The following SNTG1 variants were observed in gnomAD, a reference collection of about 807,000 sequenced individuals.
The protein encoded by SNTG1 is gamma-1-syntrophin.
SNTG1 carries 39 observed loss-of-function variants against 74.7 expected under a neutral mutation model. The ratio of observed to expected loss-of-function variants is 0.52; its 90% CI spans 0.40 to 0.68. The LOEUF (loss-of-function observed/expected upper bound fraction) is 0.68. Ranked by LOEUF, SNTG1 falls within the 30% of genes least tolerant of loss-of-function variation. The pLI, the probability that SNTG1 is intolerant of heterozygous loss-of-function variation, is 0.00. For missense variants in SNTG1, 685 were observed against 609.5 expected (o/e 1.12, Z -1.30); for synonymous variants, 254 against 217.1 (o/e 1.17, Z -1.49).
chr8:50,004,731 C>A (rs1815053635), intron 1 of SNTG1, among the ~76,000 whole-genome samples: 1 of 152,196 alleles, frequency 6.6e-6, no homozygotes, highest in African/African-American at 2.4e-5. Flanking sequence ...AAGAAGTAAA[C>A]TTCCTTTGTC....
intron 13 of SNTG1, among the ~76,000 whole-genome samples, chr8:50,653,270 T>C (rs4873471): frequency 0.21 from 31,874 of 151,714 alleles, 3,704 homozygotes; most frequent in African/African-American, 0.3. Context: ...ATAGCAAAAC[T>C]CCGTCTCTAC....
intron 12 of SNTG1, chr8:50,569,138 TC>T (rs1341763051): frequency 6.6e-6 from 1 of 152,208 alleles, no homozygotes; most frequent in Non-Finnish European, 1.5e-5. Context: ...AACTTTCCTA[TC>T]CTCTGTAGTG....
chr8:50,741,517 A>T (rs1205138563), intron 17 of SNTG1, among the ~76,000 whole-genome samples: 1 of 152,086 alleles, frequency 6.6e-6, no homozygotes, highest in Non-Finnish European at 1.5e-5. Context: ...TCCAAATCTT[A>T]TTCCATGGTA....
At chr8:50,784,141 G>A (rs536683480) in intron 18 of SNTG1, among the ~76,000 whole-genome samples, 154 of 152,230 alleles carry the variant, frequency 1.0e-3, no homozygotes, top group African/African-American at 2.6e-3. Context: ...CACTGATCCC[G>A]CCCTGAGTAG....
chr8:50,394,314 C>A, intron 3 of SNTG1, 49 bp downstream of exon 3: 1 of 1,583,210 alleles, frequency 6.3e-7, no homozygotes, highest in Non-Finnish European at 8.6e-7. Flanking sequence ...AGAATATAAG[C>A]GGGAAACACT....
intron 15 of SNTG1, among the ~76,000 whole-genome samples, chr8:50,671,109 T>A (rs144967618): frequency 0.55 from 83,822 of 151,042 alleles, 25,310 homozygotes; most frequent in East Asian, 0.68. Context: ...AACCTAGGCA[T>A]TACCATTCAG....
chr8:50,556,402 G>A (rs1297060668), intron 12 of SNTG1, among the ~76,000 whole-genome samples: 1 of 152,110 alleles, frequency 6.6e-6, no homozygotes, highest in African/African-American at 2.4e-5. Flanking sequence ...TTTTAGGTGA[G>A]CATTCACTCC....
chr8:50,693,110 G>GTATT (rs1354864174), intron 15 of SNTG1, among the ~76,000 whole-genome samples: 63 of 152,286 alleles, frequency 4.1e-4, no homozygotes, highest in African/African-American at 1.5e-3. Flanking sequence ...GAAAAGCGCA[G>GTATT]TATTAGGGTG....
intron 18 of SNTG1, among the ~76,000 whole-genome samples, chr8:50,756,141 T>C (rs2131717951): frequency 6.6e-6 from 1 of 152,018 alleles, no homozygotes; most frequent in East Asian, 1.9e-4. Flanking sequence ...TCTTTGCATA[T>C]TTTCCTTAGC....
At chr8:50,282,801 A>G (rs79895624) in intron 2 of SNTG1, among the ~76,000 whole-genome samples, 7,066 of 152,140 alleles carry the variant, frequency 0.046, 239 homozygotes, top group Non-Finnish European at 0.071. Flanking sequence ...AATAAATAAA[A>G]GCTGTCTGAC....
intron 1 of SNTG1, among the ~76,000 whole-genome samples, chr8:50,154,473 C>T (rs992805458): frequency 1.2e-4 from 18 of 152,072 alleles, no homozygotes; most frequent in Non-Finnish European, 2.4e-4. Context: ...GTGAGATGAA[C>T]CGGGTACCTC....
At chr8:50,539,395 A>G (rs537451632) in intron 11 of SNTG1, among the ~76,000 whole-genome samples, 2 of 152,270 alleles carry the variant, frequency 1.3e-5, no homozygotes, top group South Asian at 2.1e-4. Context: ...CTACTGCACC[A>G]TGCTGACACC....
chr8:49,911,091 CTCTG>C (rs1423471437), upstream of SNTG1: 1 of 152,262 alleles, frequency 6.6e-6, no homozygotes, highest in African/African-American at 2.4e-5. Context: ...TTCTTTCATT[CTCTG>C]TCTTTTAAAA....
intron 17 of SNTG1, among the ~76,000 whole-genome samples, chr8:50,722,952 T>C (rs2095491330): frequency 6.6e-6 from 1 of 152,212 alleles, no homozygotes; most frequent in African/African-American, 2.4e-5. Flanking sequence ...TAACACTATA[T>C]GTAAATGTAT....
intron 15 of SNTG1, among the ~76,000 whole-genome samples, chr8:50,693,510 G>T (rs1316454922): frequency 6.6e-6 from 1 of 152,072 alleles, no homozygotes; most frequent in African/African-American, 2.4e-5. Context: ...AAAGAGAAAT[G>T]AATTGCAATA....
chr8:50,750,769 A>G (rs2095565506), intron 17 of SNTG1, among the ~76,000 whole-genome samples: 1 of 152,042 alleles, frequency 6.6e-6, no homozygotes. Flanking sequence ...CACTTAATAG[A>G]CTACAGTATA....
chr8:50,776,832 T>G (rs1230259006), intron 18 of SNTG1, among the ~76,000 whole-genome samples: 1 of 151,966 alleles, frequency 6.6e-6, no homozygotes, highest in African/African-American at 2.4e-5. Flanking sequence ...TCCCTTAATT[T>G]CTGAAGCACT....
At chr8:49,965,345 T>C (rs952070699) in intron 1 of SNTG1, among the ~76,000 whole-genome samples, 13 of 152,210 alleles carry the variant, frequency 8.5e-5, no homozygotes, top group Admixed American at 3.3e-4. Context: ...ATGAGTTTCT[T>C]TATGAACTTC....
chr8:50,689,933 A>T (rs545513556), intron 15 of SNTG1, among the ~76,000 whole-genome samples: 4 of 152,210 alleles, frequency 2.6e-5, no homozygotes, highest in East Asian at 1.9e-4. Flanking sequence ...AGAGCCTGTT[A>T]TTGGTCTATT....
Sources: allele counts gnomAD v4.1 joint callset (sites outside exome capture counted in the v4.1 genomes callset), GRCh38; gene constraint gnomAD v4.1.1; transcripts MANE v1.5; gene names NCBI Gene and HGNC (gene_info 2026-07-23, HGNC 2026-07-21).